The following CTNNA2 variants were observed in gnomAD, a reference collection of about 807,000 sequenced individuals.
CTNNA2 encodes catenin alpha 2.
CTNNA2 carries 42 observed loss-of-function variants against 101.0 expected under a neutral mutation model. The observed-to-expected ratio is 0.42, with a 90% CI of 0.32 to 0.54. The LOEUF (loss-of-function observed/expected upper bound fraction) is 0.54. Among genes scored for constraint, CTNNA2 ranks in the 20% least tolerant of loss-of-function variants. The pLI, the probability that CTNNA2 is intolerant of heterozygous loss-of-function variation, is 0.14. For missense variants in CTNNA2, 871 were observed against 1,223.1 expected (o/e 0.71, Z 4.29); for synonymous variants, 450 against 456.4 (o/e 0.99, Z 0.18).
At position 79,856,055 on chromosome 2, in the gene CTNNA2, C is replaced by T. The variant is rs75721278; in HGVS notation, c.299-1958C>T. 4.2e-3 allele frequency among the ~76,000 whole-genome samples: 639 copies of T among 152,314 alleles called. 4 individuals carry two copies. The highest frequency in any genetic ancestry group is 0.013 in the African/African-American group (557 of 41,568). On this transcript the variant is annotated intron_variant, in intron 3 of 18. Transcript: ENST00000402739. ...ACTTGGATTGAGCTCTAGGACCATA[C>T]ATCTTGAAAATTCATCATTGTGCCA...
intron 3 of CTNNA2, among the ~76,000 whole-genome samples, chr2:79,354,632 G>C (rs1677465554): frequency 6.6e-6 from 1 of 151,996 alleles, no homozygotes; most frequent in Non-Finnish European, 1.5e-5. Flanking sequence ...ATCTTATTGA[G>C]CTCCAGCTGT....
intron 8 of CTNNA2, among the ~76,000 whole-genome samples, chr2:80,400,345 G>T (rs970910424): frequency 6.6e-6 from 1 of 152,036 alleles, no homozygotes; most frequent in Non-Finnish European, 1.5e-5. Context: ...TCATCTTCCT[G>T]CAGGCTCTGC....
At chr2:79,756,022 A>G (rs1451562456) in intron 3 of CTNNA2, among the ~76,000 whole-genome samples, 2 of 151,292 alleles carry the variant, frequency 1.3e-5, no homozygotes, top group Non-Finnish European at 3.0e-5. Context: ...TTTGTTAAAT[A>G]AAATATATTT....
chr2:80,445,943 C>T (rs1683036831), intron 9 of CTNNA2, among the ~76,000 whole-genome samples: 1 of 152,168 alleles, frequency 6.6e-6, no homozygotes, highest in South Asian at 2.1e-4. Flanking sequence ...CTCAGCATTT[C>T]TATGCCTGGG....
At chr2:80,474,973 A>G (rs1285937752) in intron 9 of CTNNA2, among the ~76,000 whole-genome samples, 2 of 152,184 alleles carry the variant, frequency 1.3e-5, no homozygotes, top group African/African-American at 4.8e-5. Flanking sequence ...CAAAAAAATT[A>G]TCTCACAGGC....
intron 8 of CTNNA2, among the ~76,000 whole-genome samples, chr2:80,399,359 C>T (rs1189663286): frequency 6.6e-6 from 1 of 152,150 alleles, no homozygotes; most frequent in Non-Finnish European, 1.5e-5. Flanking sequence ...TAGCTGTTCT[C>T]TTGTCAAGGT....
rs542873598 is a variant in CTNNA2 at position 79,951,283 on chromosome 2, C to T, written c.1056+41486C>T. On this transcript the variant is annotated intron_variant, in intron 7 of 18. Transcript: ENST00000402739. ...TATCAAAACATATACACAGCCACCC[C>T]GCCCAAAGATAAAGTGCTTCAGGTG... 2.1e-4 allele frequency among the ~76,000 whole-genome samples: 32 copies of T among 152,262 alleles called. No individual in the cohort carries two copies. The South Asian group carries it at 3.5e-3, about 17-fold the overall frequency.
intron 4 of CTNNA2, among the ~76,000 whole-genome samples, chr2:79,375,215 C>T (rs1677953821): frequency 6.6e-6 from 1 of 152,126 alleles, no homozygotes; most frequent in Admixed American, 6.6e-5. Context: ...GTCAGACATA[C>T]CTGGATTCAA....
At chr2:79,467,967 CAACT>C (rs1340691970) in intron 4 of CTNNA2, among the ~76,000 whole-genome samples, 1 of 152,132 alleles carries the variant, frequency 6.6e-6, no homozygotes, top group Non-Finnish European at 1.5e-5. Flanking sequence ...GAAACTGCAT[CAACT>C]AACAAGCAAA....
rs541048907 is a variant in CTNNA2, at chr2:79,611,099, G to A, written c.-5-40453G>A. On this transcript the variant is annotated intron_variant, in intron 1 of 18. Coordinates refer to ENST00000402739, the MANE Select transcript of CTNNA2 (RefSeq NM_001282597.3). ...ATGTATACCTAATGAATATATAAGC[G>A]TTGATTAAATGCTGGAAATCATTTA... 1.1e-4 allele frequency among the ~76,000 whole-genome samples: 17 copies of A among 152,160 alleles called. No homozygotes were observed. In the East Asian group the frequency reaches 1.7e-3, roughly 16 times the overall value.
At chr2:79,763,998 T>A (rs1017540571) in intron 3 of CTNNA2, among the ~76,000 whole-genome samples, 1 of 152,178 alleles carries the variant, frequency 6.6e-6, no homozygotes, top group Non-Finnish European at 1.5e-5. Context: ...CCTCCCTGCA[T>A]GAAGAACGGG....
chr2:79,482,526 G>A (rs775827851), intron 4 of CTNNA2, among the ~76,000 whole-genome samples: 1 of 152,126 alleles, frequency 6.6e-6, no homozygotes, highest in Non-Finnish European at 1.5e-5. Flanking sequence ...GATCAGCCTA[G>A]ATTTCCAAAT....
At chr2:79,497,430 G>T (rs1478811519) in intron 4 of CTNNA2, among the ~76,000 whole-genome samples, 1 of 152,172 alleles carries the variant, frequency 6.6e-6, no homozygotes, top group Non-Finnish European at 1.5e-5. Context: ...ATTTGTTCCT[G>T]CTGCTGTCAT....
At chr2:80,404,446 A>C (rs933217124) in intron 8 of CTNNA2, among the ~76,000 whole-genome samples, 2 of 152,200 alleles carry the variant, frequency 1.3e-5, no homozygotes, top group African/African-American at 4.8e-5. Context: ...GAAATATCAC[A>C]TATCTTCTTA....
intron 3 of CTNNA2, among the ~76,000 whole-genome samples, chr2:79,334,887 AT>A (rs1676959725): frequency 2.6e-5 from 4 of 152,154 alleles, no homozygotes; most frequent in Admixed American, 2.6e-4. Flanking sequence ...TTGTTGGTTG[AT>A]TAAATAAAAC....
At chr2:79,360,578 G>C (rs1432815302) in intron 3 of CTNNA2, among the ~76,000 whole-genome samples, 1 of 151,646 alleles carries the variant, frequency 6.6e-6, no homozygotes, top group Non-Finnish European at 1.5e-5. Flanking sequence ...AAAAGATACT[G>C]CCCACTACTG....
chr2:79,445,423 T>C (rs1264230499), intron 4 of CTNNA2, among the ~76,000 whole-genome samples: 1 of 152,214 alleles, frequency 6.6e-6, no homozygotes, highest in African/African-American at 2.4e-5. Context: ...CTTCTCCTTC[T>C]TATCTGTGAA....
intron 2 of CTNNA2, among the ~76,000 whole-genome samples, chr2:79,679,808 G>A (rs1020052661): frequency 6.6e-6 from 1 of 152,070 alleles, no homozygotes; most frequent in African/African-American, 2.4e-5. Flanking sequence ...TTCTGGGTAA[G>A]GTCTCTGTGA....
intron 7 of CTNNA2, among the ~76,000 whole-genome samples, chr2:80,185,504 A>T (rs932865097): frequency 2.0e-5 from 3 of 152,038 alleles, no homozygotes; most frequent in African/African-American, 7.2e-5. Flanking sequence ...CATTTCAGAA[A>T]CTCTCTGTGG....
Sources: allele counts gnomAD v4.1 joint callset (sites outside exome capture counted in the v4.1 genomes callset), GRCh38; gene constraint gnomAD v4.1.1; transcripts MANE v1.5; gene names NCBI Gene and HGNC (gene_info 2026-07-23, HGNC 2026-07-21).